The following PTPN3 variants were observed in gnomAD, a reference collection of about 807,000 sequenced individuals.
PTPN3 encodes the protein tyrosine-protein phosphatase non-receptor type 3.
Under a neutral mutation model 132.7 loss-of-function variants are expected in PTPN3, and 96 were observed. That is an observed-to-expected ratio of 0.72 (90% CI 0.61 to 0.86). The LOEUF (loss-of-function observed/expected upper bound fraction) is 0.86, where lower values mean the gene tolerates loss of function less well. Ranked by LOEUF, PTPN3 falls within the 40% of genes least tolerant of loss-of-function variation. PTPN3 has a pLI of 0.00. For missense variants in PTPN3, 1,125 were observed against 1,159.6 expected, an observed-to-expected ratio of 0.97 and a Z score of 0.43; for synonymous variants, 398 against 429.0, an observed-to-expected ratio of 0.93 and a Z score of 0.89.
chr9:109,450,730 A>C (rs956985195), intron 5 of PTPN3: 1 of 985,312 alleles, frequency 1.0e-6, no homozygotes, highest in Non-Finnish European at 1.2e-6. Flanking sequence ...TATTTATTTA[A>C]CAATTAGAAT....
At position 109,383,647 on chromosome 9, in the gene PTPN3, T is replaced by G; in HGVS notation, c.2254-96A>C. 3 of 1,491,908 alleles carry G rather than the reference T, an allele frequency of 2.0e-6. No individual in the cohort carries two copies. The South Asian group carries it at 3.7e-5, about 19-fold the overall frequency. 92.4% of individuals were successfully genotyped at this position (1,491,908 alleles called of 1,614,324 possible). A position where few individuals can be genotyped will look rare whatever the true frequency, so the allele number is the denominator to read the frequency against. ...GGTGGACGGGTTAGGCATCCTCTCA[T>G]GCACACCCGAGAGCACTGATGGGAG... On this transcript the variant is annotated intron_variant, in intron 22 of 25. Transcript: ENST00000374541.
chr9:109,521,501 C>T, the PTPN3 span, among the ~76,000 whole-genome samples: 1 of 152,258 alleles, frequency 6.6e-6, no homozygotes, highest in Admixed American at 6.5e-5. Flanking sequence ...GTAAGGTTCC[C>T]TCTGCCTGCA....
chr9:109,407,971 A>C (rs1258729997), intron 17 of PTPN3, among the ~76,000 whole-genome samples: 3 of 152,254 alleles, frequency 2.0e-5, no homozygotes, highest in Non-Finnish European at 4.4e-5. Flanking sequence ...CCACGTGCCC[A>C]CTTAGAGTGA....
chr9:109,466,980 T>C (rs577139382), intron 1 of PTPN3, among the ~76,000 whole-genome samples: 3 of 152,098 alleles, frequency 2.0e-5, no homozygotes, highest in African/African-American at 7.2e-5. Flanking sequence ...CAAACCTCCC[T>C]TCTTCCTTAG....
In PTPN3 at chr9:109,382,324, C is replaced by T. The variant is rs147420952; in HGVS notation, c.2506G>A (p.Glu836Lys). Reference sequence around the variant, plus strand: ...TACCTGCAGTGAACTAGGACGGGCTCGCTGTCCACTCTCAGAGACCTCACA... The same window carrying T: ...TACCTGCAGTGAACTAGGACGGGCTTGCTGTCCACTCTCAGAGACCTCACA... ...NYVRSLRVDS[E>K]PVLVHCSAGI... Residue 836 changes from glutamate to lysine, a missense_variant, in exon 24 of 26, where the codon GAG (glutamate) becomes AAG (lysine). By Grantham distance (56) the Glu-to-Lys change is moderately conservative (BLOSUM62 1). Transcript: ENST00000374541. 4.0e-4 allele frequency: 653 copies of T among 1,613,840 alleles called. 1 individual carries two copies. Among genetic ancestry groups the T allele is most frequent in the Admixed American group, 1.7e-3 (104 of 59,994 alleles).
intron 14 of PTPN3, chr9:109,417,796 CAAGG>C: frequency 1.0e-6 from 1 of 984,938 alleles, no homozygotes; most frequent in African/African-American, 1.7e-5. Context: ...TAAAACCCCA[CAAGG>C]AAGCCTGCCT....
intron 12 of PTPN3, 62 bp downstream of exon 12, chr9:109,426,888 T>C (rs1843317835): frequency 2.7e-6 from 4 of 1,503,660 alleles, no homozygotes; most frequent in Non-Finnish European, 3.7e-6. Context: ...CTCTATTCAC[T>C]GATGACCAGG....
intron 9 of PTPN3, among the ~76,000 whole-genome samples, chr9:109,434,888 C>T (rs982017590): frequency 1.3e-5 from 2 of 152,122 alleles, no homozygotes; most frequent in African/African-American, 4.8e-5. Context: ...GGGACAAACC[C>T]TTTGTGAACC....
At position 109,420,732 on chromosome 9, in the gene PTPN3, C is replaced by T. The variant is rs531030474; in HGVS notation, c.1137-132G>A. On this transcript the variant is annotated intron_variant, in intron 13 of 25. Transcript: ENST00000374541. ...CTTGGCGGAGGCTGACATTCAGAGCCGGTTAACTCATTACTACCCCAGCAG... is the reference window on the plus strand; with the variant it reads ...CTTGGCGGAGGCTGACATTCAGAGCTGGTTAACTCATTACTACCCCAGCAG... 127 of 944,424 alleles carry T rather than the reference C, an allele frequency of 1.3e-4. No homozygotes were observed. The African/African-American group carries it at 1.7e-3, about 13-fold the overall frequency. 58.5% of individuals were successfully genotyped at this position (944,424 alleles called of 1,614,324 possible). A position where few individuals can be genotyped will look rare whatever the true frequency, so the allele number is the denominator to read the frequency against.
chr9:109,411,209 C>T (rs532107008), intron 14 of PTPN3, among the ~76,000 whole-genome samples: 10 of 152,144 alleles, frequency 6.6e-5, no homozygotes, highest in Non-Finnish European at 8.8e-5. Flanking sequence ...ATGATGAAAA[C>T]GGAACAGAAC....
At chr9:109,452,459 A>G (rs893655371) in intron 5 of PTPN3, among the ~76,000 whole-genome samples, 1 of 152,098 alleles carries the variant, frequency 6.6e-6, no homozygotes, top group African/African-American at 2.4e-5. Context: ...ACACGTACAC[A>G]TGTACATACA....
chr9:109,477,542 T>C (rs1236189511), intron 1 of PTPN3, among the ~76,000 whole-genome samples: 1 of 152,238 alleles, frequency 6.6e-6, no homozygotes, highest in Non-Finnish European at 1.5e-5. Context: ...CCTTTCAGAA[T>C]TGAGGAAATG....
At chr9:109,488,583 A>G (rs538783918) in intron 1 of PTPN3, among the ~76,000 whole-genome samples, 1 of 152,320 alleles carries the variant, frequency 6.6e-6, no homozygotes, top group South Asian at 2.1e-4. Flanking sequence ...GTGTTCTTAA[A>G]GTTCACATGA....
chr9:109,531,242 CAAT>C, the PTPN3 span, among the ~76,000 whole-genome samples: 37 of 152,290 alleles, frequency 2.4e-4, 1 homozygote, highest in South Asian at 7.7e-3. Context: ...AGTTATATCT[CAAT>C]AATATCTAGC....
chr9:109,524,456 T>A, the PTPN3 span, among the ~76,000 whole-genome samples: 1 of 152,208 alleles, frequency 6.6e-6, no homozygotes, highest in Admixed American at 6.5e-5. Context: ...GTGAAATGCC[T>A]GAGATTTTAA....
Position 109,379,518 on chromosome 9 carries a change from G to A in PTPN3, c.*38C>T. 1 of 1,558,034 alleles carries A rather than the reference G, an allele frequency of 6.4e-7. No homozygotes were observed. Among genetic ancestry groups the A allele is most frequent in the Non-Finnish European group, 8.9e-7 (1 of 1,129,232 alleles). On this transcript the variant is annotated 3_prime_UTR_variant, in exon 26 of 26. Transcript: ENST00000374541. The stretch of plus-strand genomic sequence containing the variant: ...TCTGTCCTCCTCTTTCAAGGAGGAT[G>A]CCCTTGGGAAAGAGGAATGAACTTT...
intron 16 of PTPN3, among the ~76,000 whole-genome samples, chr9:109,409,366 C>A (rs554927325): frequency 9.9e-5 from 15 of 151,766 alleles, no homozygotes; most frequent in African/African-American, 3.6e-4. Flanking sequence ...TGTGTGCCCT[C>A]ATTTCTGGGA....
chr9:109,496,099 T>C (rs1312314807), intron 1 of PTPN3, among the ~76,000 whole-genome samples: 2 of 152,244 alleles, frequency 1.3e-5, no homozygotes, highest in African/African-American at 4.8e-5. Flanking sequence ...AATTTGCATA[T>C]ATGAGTCCTT....
upstream of PTPN3, among the ~76,000 whole-genome samples, chr9:109,500,434 G>A (rs1418941442): frequency 6.6e-6 from 1 of 152,112 alleles, no homozygotes; most frequent in African/African-American, 2.4e-5. Context: ...TAAAAATCAT[G>A]CGTTTTAAAT....
Sources: allele counts gnomAD v4.1 joint callset (sites outside exome capture counted in the v4.1 genomes callset), GRCh38; gene constraint gnomAD v4.1.1; transcripts MANE v1.5; gene names NCBI Gene and HGNC (gene_info 2026-07-23, HGNC 2026-07-21).